Variants in TESK2 observed in about 807,000 individuals in gnomAD.
The protein encoded by TESK2 is dual specificity testis-specific protein kinase 2.
Under a neutral mutation model 57.1 loss-of-function variants are expected in TESK2, and 39 were observed. The observed-to-expected ratio is 0.68, with a 90% CI of 0.53 to 0.89. TESK2 has a LOEUF of 0.89. TESK2 is among the 40% of genes least tolerant of loss of function. The probability of loss-of-function intolerance (pLI) is 0.00; values close to 1 mark genes in which losing one functional copy is unlikely to be tolerated. For missense variants in TESK2, 646 were observed against 732.1 expected, an observed-to-expected ratio of 0.88 and a Z score of 1.36; for synonymous variants, 249 against 267.9, an observed-to-expected ratio of 0.93 and a Z score of 0.69.
chr1:45,438,321 C>T (rs980987660), intron 2 of TESK2, among the ~76,000 whole-genome samples: 1 of 151,974 alleles, frequency 6.6e-6, no homozygotes, highest in African/African-American at 2.4e-5. Flanking sequence ...CATGGTGAAA[C>T]CCCATCTCTA....
chr1:45,439,139 T>G (rs1239690249), intron 2 of TESK2, among the ~76,000 whole-genome samples: 1 of 152,302 alleles, frequency 6.6e-6, no homozygotes, highest in East Asian at 1.9e-4. Flanking sequence ...CAAAATAACA[T>G]AACATTCACT....
At chr1:45,419,710 G>C (rs1189841912) in intron 3 of TESK2, among the ~76,000 whole-genome samples, 2 of 152,126 alleles carry the variant, frequency 1.3e-5, no homozygotes, top group African/African-American at 4.8e-5. Context: ...GGAGGCTGAG[G>C]CAGGAGAATC....
At chr1:45,383,492 G>T (rs535535146) in intron 4 of TESK2, among the ~76,000 whole-genome samples, 2 of 152,276 alleles carry the variant, frequency 1.3e-5, no homozygotes, top group East Asian at 3.9e-4. Flanking sequence ...AGTACACATT[G>T]TATGTTTTAT....
chr1:45,375,944 C>T (rs989274519), intron 4 of TESK2, among the ~76,000 whole-genome samples: 1 of 152,094 alleles, frequency 6.6e-6, no homozygotes, highest in African/African-American at 2.4e-5. Context: ...ATAAACTCTT[C>T]TATTATTTGT....
At chr1:45,435,623 C>CTTT (rs548276799) in intron 2 of TESK2, among the ~76,000 whole-genome samples, 2 of 69,192 alleles carry the variant, frequency 2.9e-5, no homozygotes, top group African/African-American at 4.8e-5. Flanking sequence ...GCTCAGTATT[C>CTTT]TTTTTTTTTT....
chr1:45,435,800 C>T (rs547601974), intron 2 of TESK2, among the ~76,000 whole-genome samples: 34 of 151,134 alleles, frequency 2.2e-4, no homozygotes, highest in African/African-American at 7.5e-4. Context: ...ACTGGTGTGA[C>T]TGGATTTGAC....
At chr1:45,384,350 T>C (rs61791365) in intron 4 of TESK2, among the ~76,000 whole-genome samples, 282 of 131,862 alleles carry the variant, frequency 2.1e-3, no homozygotes, top group South Asian at 3.3e-3. Flanking sequence ...TATGTATGTA[T>C]GTATGTACGT....
chr1:45,375,438 T>G (rs1323816080), intron 4 of TESK2, among the ~76,000 whole-genome samples: 1 of 151,860 alleles, frequency 6.6e-6, no homozygotes, highest in Non-Finnish European at 1.5e-5. Flanking sequence ...TTTTTTTTTT[T>G]TGTGAGCCAC....
In TESK2 at chr1:45,354,713, G is replaced by A. The variant is rs113851774; in HGVS notation, c.540+590C>T. On this transcript the variant is annotated intron_variant, in intron 5 of 10. Coordinates refer to ENST00000372086, the MANE Select transcript of TESK2 (RefSeq NM_007170.3). ...CTGAGGTAGGAGGATTGCTTGAGCC[G>A]ATGGAGTGGAGGCTGCAGTGAGCCG... Among the ~76,000 whole-genome samples the A allele has an allele frequency of 4.9e-3, 706 of 143,686 alleles. 7 individuals are homozygous for A. The highest frequency in any genetic ancestry group is 0.017 in the African/African-American group (656 of 38,522). The allele number at this position is 143,686 out of a possible 152,430, so 94.3% of individuals were successfully genotyped here. A position where few individuals can be genotyped will look rare whatever the true frequency, so the allele number is the denominator to read the frequency against.
rs550339183 is a variant in TESK2 at position 45,364,568 on chromosome 1, T to C, written c.394-9119A>G. On this transcript the variant is annotated intron_variant, in intron 4 of 10. Coordinates refer to ENST00000372086, the MANE Select transcript of TESK2 (RefSeq NM_007170.3). ...TCACCCACATTGTAGTGCTTTGCTATGGCAGCTCTAAGAAACTAATACATG... is the reference window on the plus strand; with the variant it reads ...TCACCCACATTGTAGTGCTTTGCTACGGCAGCTCTAAGAAACTAATACATG... Among the ~76,000 whole-genome samples, 4 of 152,358 alleles carry C rather than the reference T, an allele frequency of 2.6e-5. No homozygotes were observed. The East Asian group carries it at 5.8e-4, about 22-fold the overall frequency.
intron 2 of TESK2, among the ~76,000 whole-genome samples, chr1:45,436,259 A>G (rs1651217205): frequency 8.1e-6 from 1 of 123,276 alleles, no homozygotes; most frequent in Non-Finnish European, 1.6e-5. Context: ...ATCTCGGTTC[A>G]CTGCAACCTC....
At chr1:45,443,311 T>A (rs978039213) in intron 2 of TESK2, among the ~76,000 whole-genome samples, 1 of 151,952 alleles carries the variant, frequency 6.6e-6, no homozygotes, top group African/African-American at 2.4e-5. Flanking sequence ...ATGCCTGTAA[T>A]CCCAACACTT....
chr1:45,404,372 G>A (rs903073716), intron 3 of TESK2, among the ~76,000 whole-genome samples: 1 of 152,028 alleles, frequency 6.6e-6, no homozygotes, highest in African/African-American at 2.4e-5. Context: ...GGATTAAGTG[G>A]GGGCTACAGA....
At chr1:45,482,948 C>T (rs1018449369) in intron 1 of TESK2, among the ~76,000 whole-genome samples, 3 of 147,158 alleles carry the variant, frequency 2.0e-5, no homozygotes, top group African/African-American at 7.6e-5. Flanking sequence ...CCATTGCACT[C>T]CAGTCTGGGT....
Position 45,346,991 on chromosome 1 carries a change from AAGATAGTCC to A in TESK2, c.771_779del (p.Asp258_Leu260del). The A allele has an allele frequency of 6.2e-7, 1 of 1,614,188 alleles. No individual in the cohort carries two copies. The highest frequency in any genetic ancestry group is 8.5e-7 in the Non-Finnish European group (1 of 1,180,028). The stretch of plus-strand genomic sequence containing the variant: ...GCTTGCAGCTCACCTCTGTGCGGGG[AAGATAGTCC>A]GGATCGGCCTGGATGCGGGCGATGA... On this transcript the variant is annotated inframe_deletion, in exon 8 of 11. Coordinates refer to ENST00000372086, the MANE Select transcript of TESK2 (RefSeq NM_007170.3).
intron 7 of TESK2, 152 bp downstream of exon 7, chr1:45,347,457 T>C (rs1647162130): frequency 1.4e-6 from 1 of 718,246 alleles, no homozygotes; most frequent in Non-Finnish European, 2.4e-6. Context: ...TTCCAGCTAC[T>C]TGGGAAGCTG....
At chr1:45,464,365 G>A (rs548647708) in intron 1 of TESK2, among the ~76,000 whole-genome samples, 25 of 150,288 alleles carry the variant, frequency 1.7e-4, no homozygotes, top group Admixed American at 1.4e-3. Flanking sequence ...CAGAGGTTGC[G>A]ATGAGCCAAG....
intron 2 of TESK2, among the ~76,000 whole-genome samples, 168 bp from the exon 3 acceptor site, chr1:45,422,014 C>T (rs747948101): frequency 2.0e-5 from 3 of 152,122 alleles, no homozygotes; most frequent in Non-Finnish European, 4.4e-5. Context: ...AATTATTCTA[C>T]CCAAGAACAG....
Position 45,419,632 on chromosome 1 carries a change from C to T in TESK2, c.344+2093G>A, listed in dbSNP as rs189141122. 4.3e-3 allele frequency among the ~76,000 whole-genome samples: 651 copies of T among 151,896 alleles called. 6 individuals are homozygous for T. Among genetic ancestry groups the T allele is most frequent in the Admixed American group, 8.6e-3 (131 of 15,240 alleles). ...ACAAGCCTGGCCAACGTGGTAAAAC[C>T]CCGTCTCTACTAAAAATACAAAAAT... On this transcript the variant is annotated intron_variant, in intron 3 of 10. Transcript: ENST00000372086.
Sources: allele counts gnomAD v4.1 joint callset (sites outside exome capture counted in the v4.1 genomes callset), GRCh38; gene constraint gnomAD v4.1.1; transcripts MANE v1.5; gene names NCBI Gene and HGNC (gene_info 2026-07-23, HGNC 2026-07-21).